Variants in MYO10 observed in about 807,000 individuals in gnomAD.
MYO10 encodes the protein myosin X.
A neutral mutation model predicts 257.3 loss-of-function variants in MYO10; 133 were observed. The observed-to-expected ratio is 0.52, with a 90% CI of 0.45 to 0.60. The LOEUF is 0.60. MYO10 is among the 20% of genes least tolerant of loss of function. The probability of loss-of-function intolerance (pLI) is 0.00; values close to 1 mark genes in which losing one functional copy is unlikely to be tolerated. For missense variants in MYO10, 2,399 were observed against 2,635.7 expected, an observed-to-expected ratio of 0.91 and a Z score of 1.97; for synonymous variants, 1,104 against 1,028.6, an observed-to-expected ratio of 1.07 and a Z score of -1.40.
intron 19 of MYO10, among the ~76,000 whole-genome samples, chr5:16,748,393 C>T (rs374250456): frequency 6.6e-6 from 1 of 152,150 alleles, no homozygotes; most frequent in Admixed American, 6.5e-5. Flanking sequence ...TACAGGTGTA[C>T]ACCACCACGC....
At chr5:16,694,723 CCAGCCG>C in intron 26 of MYO10, 109 bp from the exon 27 acceptor site, 2 of 1,407,050 alleles carry the variant, frequency 1.4e-6, no homozygotes, top group Non-Finnish European at 2.0e-6. Flanking sequence ...AGACTCTGCC[CCAGCCG>C]CAGCACCGCA....
At chr5:16,731,044 C>CA (rs1554040414) in intron 19 of MYO10, among the ~76,000 whole-genome samples, 5 of 136,958 alleles carry the variant, frequency 3.7e-5, no homozygotes, top group Non-Finnish European at 3.2e-5. Flanking sequence ...TCAAAACACA[C>CA]TTTTTTTTTT....
chr5:16,791,644 C>A (rs200927718), intron 4 of MYO10, among the ~76,000 whole-genome samples: 2 of 152,034 alleles, frequency 1.3e-5, no homozygotes, highest in Non-Finnish European at 2.9e-5. Context: ...ATTAGTCATG[C>A]TCTCATTTTT....
chr5:16,735,027 A>T (rs1739733293), intron 19 of MYO10, among the ~76,000 whole-genome samples: 1 of 152,146 alleles, frequency 6.6e-6, no homozygotes, highest in Admixed American at 6.5e-5. Flanking sequence ...TGACAAACCA[A>T]TGACCTGTGG....
intron 2 of MYO10, among the ~76,000 whole-genome samples, chr5:16,852,050 C>CA (rs70943811): frequency 0.011 from 451 of 42,544 alleles, 38 homozygotes; most frequent in African/African-American, 0.015. Flanking sequence ...GACTCCATCT[C>CA]AAAAAAAAAA....
chr5:16,707,941 C>T (rs1394646537), intron 21 of MYO10, among the ~76,000 whole-genome samples: 3 of 152,298 alleles, frequency 2.0e-5, no homozygotes, highest in East Asian at 1.9e-4. Context: ...CTGTTGTGTA[C>T]GGCAGACATT....
At position 16,668,391 on chromosome 5, in the gene MYO10, C is replaced by G; in HGVS notation, c.5961G>C (p.Glu1987Asp). ...ADAVSVYKRGEGRPLEVFQYE... is the reference protein window; with the variant it reads ...ADAVSVYKRGDGRPLEVFQYE... ...ACTGGAAGACTTCCAGTGGTCTTCC[C>G]TCTCCACGCTTGTAGACGGAGACGG... is the stretch of plus-strand genomic sequence containing the variant. The change falls in exon 40 of 41, where the codon GAG (glutamate) becomes GAC (aspartate). Residue 1987 changes from glutamate (E) to aspartate (D), a missense_variant. Around this residue, in one of 3 missense-constraint regions of MYO10, gnomAD observed 1,820 missense variants for 1,939.4 expected, o/e 0.94. Coordinates refer to ENST00000513610, the MANE Select transcript of MYO10 (RefSeq NM_012334.3). The G allele has an allele frequency of 6.2e-7, 1 of 1,613,956 alleles. No individual in the cohort carries two copies. Among genetic ancestry groups the G allele is most frequent in the Non-Finnish European group, 8.5e-7 (1 of 1,179,872 alleles).
chr5:16,780,247 G>A (rs1487006951), intron 8 of MYO10, among the ~76,000 whole-genome samples: 1 of 151,924 alleles, frequency 6.6e-6, no homozygotes, highest in Non-Finnish European at 1.5e-5. Context: ...TGGCTGAAAA[G>A]TGAAACCAGC....
chr5:16,694,960 T>C (rs1376104984), intron 26 of MYO10, among the ~76,000 whole-genome samples: 2 of 152,230 alleles, frequency 1.3e-5, no homozygotes, highest in African/African-American at 2.4e-5. Context: ...CATGTCCCTA[T>C]GTATGGATCA....
intron 40 of MYO10, among the ~76,000 whole-genome samples, chr5:16,667,661 CCCT>C (rs149050793): frequency 0.052 from 7,902 of 152,248 alleles, 262 homozygotes; most frequent in Non-Finnish European, 0.08. Flanking sequence ...AGCTGGAACG[CCCT>C]CCTCAATGCC....
chr5:16,816,865 G>A (rs1742632680), intron 3 of MYO10, among the ~76,000 whole-genome samples: 1 of 148,820 alleles, frequency 6.7e-6, no homozygotes, highest in South Asian at 2.1e-4. Context: ...TGTCACCCAG[G>A]CCGGAGTGCA....
intron 25 of MYO10, among the ~76,000 whole-genome samples, chr5:16,699,796 AAAAAAAAAAAAG>A (rs569937878): frequency 0.013 from 2,010 of 151,368 alleles, 68 homozygotes; most frequent in African/African-American, 0.047. Context: ...CAAAAAAAAA[AAAAAAAAAAAAG>A]GGAAAAGGAA....
intron 2 of MYO10, among the ~76,000 whole-genome samples, chr5:16,841,707 A>G (rs949137889): frequency 1.3e-4 from 20 of 152,204 alleles, no homozygotes; most frequent in African/African-American, 4.6e-4. Context: ...AACAAAGCCA[A>G]GTTCTATTTG....
intron 21 of MYO10, among the ~76,000 whole-genome samples, chr5:16,705,100 G>A (rs1380545606): frequency 6.6e-6 from 1 of 152,210 alleles, no homozygotes; most frequent in African/African-American, 2.4e-5. Context: ...GCAGAGGAAG[G>A]AAAGGAGGAA....
intron 19 of MYO10, among the ~76,000 whole-genome samples, chr5:16,737,776 C>G (rs886340792): frequency 6.6e-6 from 1 of 152,094 alleles, no homozygotes; most frequent in African/African-American, 2.4e-5. Flanking sequence ...CAGGTAGATG[C>G]CAGCGCTGCT....
At chr5:16,820,174 T>A (rs190588051) in intron 2 of MYO10, among the ~76,000 whole-genome samples, 1 of 152,204 alleles carries the variant, frequency 6.6e-6, no homozygotes, top group Admixed American at 6.5e-5. Flanking sequence ...TTTTAAGTCA[T>A]CAACACCATG....
intron 2 of MYO10, among the ~76,000 whole-genome samples, chr5:16,829,495 G>A (rs1326204453): frequency 6.6e-6 from 1 of 152,174 alleles, no homozygotes; most frequent in Non-Finnish European, 1.5e-5. Flanking sequence ...AAAATGGAAG[G>A]TTTCTTCCTG....
chr5:16,769,024 T>C, intron 10 of MYO10, 50 bp downstream of exon 10: 1 of 1,544,448 alleles, frequency 6.5e-7, no homozygotes, highest in Non-Finnish European at 8.7e-7. Flanking sequence ...AGGTTTAAGT[T>C]TCCCACGGGG....
chr5:16,781,505 A>T (rs2126669436), intron 6 of MYO10, among the ~76,000 whole-genome samples, 200 bp downstream of exon 6: 1 of 152,350 alleles, frequency 6.6e-6, no homozygotes, highest in East Asian at 1.9e-4. Flanking sequence ...AGTAGCTGTA[A>T]CTATAGGCAC....
Sources: allele counts gnomAD v4.1 joint callset (sites outside exome capture counted in the v4.1 genomes callset), GRCh38; gene constraint gnomAD v4.1.1; regional missense constraint gnomAD v4.1.1; transcripts MANE v1.5; gene names NCBI Gene and HGNC (gene_info 2026-07-23, HGNC 2026-07-21).